Variants in CARMIL1 observed in about 807,000 individuals in gnomAD.
CARMIL1 encodes F-actin-uncapping protein LRRC16A.
A neutral mutation model predicts 177.1 loss-of-function variants in CARMIL1; 90 were observed. The ratio of observed to expected loss-of-function variants is 0.51; its 90% CI spans 0.43 to 0.61. The LOEUF (loss-of-function observed/expected upper bound fraction) is 0.61, where lower values mean the gene tolerates loss of function less well. Among genes scored for constraint, CARMIL1 ranks in the 20% least tolerant of loss-of-function variants. The pLI is 0.00. For synonymous variants in CARMIL1, 577 were observed against 606.2 expected (o/e 0.95, Z 0.71); for missense variants, 1,380 against 1,667.0 (o/e 0.83, Z 3.00).
intron 32 of CARMIL1, 77 bp downstream of exon 32, chr6:25,594,604 A>G: frequency 1.2e-6 from 1 of 832,514 alleles, no homozygotes; most frequent in Admixed American, 2.4e-5. Flanking sequence ...TAAACTTAGT[A>G]TACTAAGTTT....
chr6:25,316,987 G>C (rs1312596245), intron 2 of CARMIL1, among the ~76,000 whole-genome samples: 1 of 152,164 alleles, frequency 6.6e-6, no homozygotes, highest in African/African-American at 2.4e-5. Context: ...TTTTAACTGG[G>C]AAGTTGAGCA....
intron 4 of CARMIL1, 92 bp downstream of exon 4, chr6:25,426,652 G>T: frequency 1.7e-6 from 2 of 1,161,172 alleles, no homozygotes; most frequent in Non-Finnish European, 2.4e-6. Context: ...GGATAAACAA[G>T]GTTAGGGAAG....
chr6:25,460,704 A>G (rs74335029), intron 8 of CARMIL1, among the ~76,000 whole-genome samples: 1 of 152,094 alleles, frequency 6.6e-6, no homozygotes, highest in Admixed American at 6.5e-5. Flanking sequence ...TTCTGTTTCT[A>G]TTTCATATTC....
chr6:25,354,391 A>G (rs1233194301), intron 2 of CARMIL1, among the ~76,000 whole-genome samples: 4 of 124,308 alleles, frequency 3.2e-5, no homozygotes, highest in African/African-American at 1.3e-4. Flanking sequence ...ATTGCCCAAC[A>G]TGGTCTTGAA....
intron 4 of CARMIL1, among the ~76,000 whole-genome samples, chr6:25,433,769 T>G (rs1797004103): frequency 6.6e-6 from 1 of 152,220 alleles, no homozygotes; most frequent in Non-Finnish European, 1.5e-5. Context: ...CTTCTAGAGG[T>G]ATTTATGAAA....
chr6:25,592,515 C>T (rs975818879), intron 31 of CARMIL1, among the ~76,000 whole-genome samples: 1 of 152,134 alleles, frequency 6.6e-6, no homozygotes, highest in African/African-American at 2.4e-5. Context: ...AACCTTGCTC[C>T]AATATAAAGC....
At chr6:25,309,079 G>A (rs1021017897) in intron 2 of CARMIL1, among the ~76,000 whole-genome samples, 1 of 151,980 alleles carries the variant, frequency 6.6e-6, no homozygotes, top group African/African-American at 2.4e-5. Flanking sequence ...ATGGAGACAG[G>A]GTCTCACTAT....
chr6:25,485,958 C>T (rs930044777), intron 12 of CARMIL1, among the ~76,000 whole-genome samples: 1 of 151,508 alleles, frequency 6.6e-6, no homozygotes. Flanking sequence ...AAAAACTCCC[C>T]ATGACATCAC....
intron 26 of CARMIL1, among the ~76,000 whole-genome samples, chr6:25,543,697 G>A (rs1237564585): frequency 6.6e-6 from 1 of 152,118 alleles, no homozygotes; most frequent in African/African-American, 2.4e-5. Flanking sequence ...AGGGGTTTAG[G>A]TGGCATTTTG....
intron 2 of CARMIL1, among the ~76,000 whole-genome samples, chr6:25,402,600 TTTC>T (rs1793983067): frequency 6.6e-6 from 1 of 152,228 alleles, no homozygotes; most frequent in Non-Finnish European, 1.5e-5. Flanking sequence ...GTAGTGATTT[TTTC>T]TTCTTCTAGA....
At chr6:25,383,069 G>A (rs961817603) in intron 2 of CARMIL1, among the ~76,000 whole-genome samples, 2 of 152,176 alleles carry the variant, frequency 1.3e-5, no homozygotes, top group South Asian at 4.1e-4. Context: ...GAGTGGGTTG[G>A]GTTGAGTACT....
intron 2 of CARMIL1, among the ~76,000 whole-genome samples, chr6:25,388,478 C>G (rs1792406911): frequency 6.6e-6 from 1 of 152,152 alleles, no homozygotes; most frequent in African/African-American, 2.4e-5. Context: ...GCAATTCTGC[C>G]TCAGCCTCCT....
At chr6:25,527,399 G>A (rs1010267266) in intron 23 of CARMIL1, among the ~76,000 whole-genome samples, 1 of 152,240 alleles carries the variant, frequency 6.6e-6, no homozygotes, top group African/African-American at 2.4e-5. Flanking sequence ...TGCACTGCCT[G>A]TGTGTGAGAT....
Position 25,465,897 on chromosome 6 carries a change from T to C in CARMIL1, c.639T>C (p.Ala213=), listed in dbSNP as rs1011222603. The C allele has an allele frequency of 6.2e-7, 1 of 1,612,690 alleles. No homozygotes were observed. Among genetic ancestry groups the C allele is most frequent in the Non-Finnish European group, 8.5e-7 (1 of 1,178,784 alleles). The change falls in exon 9 of 37, where the codon GCT becomes GCC. Residue 213 remains alanine (A), a synonymous_variant. Transcript: ENST00000329474. ...GGGACCTAATACCTATCATTGCTGC[T>C]CTGGAATATAATCAGTGGTTCACAA... The part of the protein sequence containing the change: ...DHRDLIPIIA[A]LEYNQWFTKL...
At position 25,382,789 on chromosome 6, in the gene CARMIL1, G is replaced by T. The variant is rs115425228; in HGVS notation, c.139-37325G>T. 2.0e-4 allele frequency among the ~76,000 whole-genome samples: 30 copies of T among 152,214 alleles called. No individual in the cohort carries two copies. In the East Asian group the frequency reaches 5.4e-3, roughly 27 times the overall value. ...CTAGACACAGGGCGCTGATTGGTGCGTTTACAATTCTCTACCTAGACAGAA... is the reference window on the plus strand; with the variant it reads ...CTAGACACAGGGCGCTGATTGGTGCTTTTACAATTCTCTACCTAGACAGAA... On this transcript the variant is annotated intron_variant, in intron 2 of 36. Coordinates refer to ENST00000329474, the MANE Select transcript of CARMIL1 (RefSeq NM_017640.6).
intron 31 of CARMIL1, among the ~76,000 whole-genome samples, chr6:25,584,062 CTG>C (rs1301446009): frequency 9.8e-5 from 13 of 132,156 alleles, no homozygotes; most frequent in African/African-American, 3.7e-4. Flanking sequence ...GGTTCTCACT[CTG>C]TGACCCAGAC....
chr6:25,385,063 C>T (rs1327175181), intron 2 of CARMIL1, among the ~76,000 whole-genome samples: 2 of 152,098 alleles, frequency 1.3e-5, no homozygotes, highest in Admixed American at 1.3e-4. Flanking sequence ...AGTTCACATT[C>T]GGTGAGAGAG....
At chr6:25,404,769 A>AG (rs1794212144) in intron 2 of CARMIL1, among the ~76,000 whole-genome samples, 1 of 147,086 alleles carries the variant, frequency 6.8e-6, no homozygotes. Flanking sequence ...AAAAAAAAAA[A>AG]AAATAGAGGT....
chr6:25,495,850 T>G (rs559028757), intron 16 of CARMIL1, among the ~76,000 whole-genome samples: 11 of 152,216 alleles, frequency 7.2e-5, no homozygotes, highest in South Asian at 2.1e-4. Flanking sequence ...GAGTCAAAAG[T>G]TTAGTGTACA....
Sources: gnomAD v4.1 joint callset for allele counts (sites outside exome capture counted in the v4.1 genomes callset) on GRCh38, gnomAD v4.1.1 for gene constraint, MANE v1.5 for transcripts, NCBI Gene and HGNC (gene_info 2026-07-23, HGNC 2026-07-21) for gene names.